MAPK8: variants seen among roughly 807,000 people sequenced by gnomAD.
MAPK8 encodes the protein JUN N-terminal kinase.
A neutral mutation model predicts 52.9 loss-of-function variants in MAPK8; 13 were observed. The ratio of observed to expected loss-of-function variants is 0.25; its 90% CI spans 0.16 to 0.39. The LOEUF (loss-of-function observed/expected upper bound fraction) is 0.39. Among genes scored for constraint, MAPK8 ranks in the 10% least tolerant of loss-of-function variants. The pLI, the probability that MAPK8 is intolerant of heterozygous loss-of-function variation, is 1.00. For synonymous variants in MAPK8, 191 were observed against 169.8 expected (o/e 1.12, Z -0.97); for missense variants, 300 against 519.2 (o/e 0.58, Z 4.10).
Position 48,435,025 on chromosome 10 carries a change from G to C in MAPK8, c.1280G>C (p.Arg427Thr). Residue 427 changes from arginine to threonine, a missense_variant, in exon 12 of 12, where the codon AGA becomes ACA. Physicochemically the swap from Arg to Thr is moderately conservative, Grantham distance 71. This residue lies in a region of MAPK8 where 119 missense variants were observed against 154.4 expected (regional missense o/e 0.77). Coordinates refer to ENST00000374189, the MANE Select transcript of MAPK8 (RefSeq NM_001323329.2). ...GCAGCTGGGCCTCTGGGCTGCTGTAGATGACTACTTGGGCCATCGGGGGGT... is the reference window on the plus strand; with the variant it reads ...GCAGCTGGGCCTCTGGGCTGCTGTACATGACTACTTGGGCCATCGGGGGGT... ...EAAAGPLGCCR is the reference protein window; with the variant it reads ...EAAAGPLGCCT 1.0e-6 allele frequency: 1 copy of C among 979,290 alleles called. No homozygotes were observed. The highest frequency in any genetic ancestry group is 1.5e-6 in the Non-Finnish European group (1 of 684,778). The allele number at this position is 979,290 out of a possible 1,614,324, so 60.7% of individuals were successfully genotyped here. A position where few individuals can be genotyped will look rare whatever the true frequency, so the allele number is the denominator to read the frequency against.
chr10:48,314,206 G>A (rs547953482), intron 1 of MAPK8, among the ~76,000 whole-genome samples: 2 of 152,154 alleles, frequency 1.3e-5, no homozygotes, highest in African/African-American at 4.8e-5. Flanking sequence ...CCTTTTCCTG[G>A]CTTTATAGGT....
At chr10:48,393,012 A>T (rs2041707341) in intron 1 of MAPK8, among the ~76,000 whole-genome samples, 2 of 152,022 alleles carry the variant, frequency 1.3e-5, no homozygotes, top group Admixed American at 6.6e-5. Context: ...TGGCTTCTTC[A>T]GTATGTTCTT....
At chr10:48,401,307 T>G (rs2042147049) in intron 1 of MAPK8, among the ~76,000 whole-genome samples, 1 of 152,202 alleles carries the variant, frequency 6.6e-6, no homozygotes, top group African/African-American at 2.4e-5. Context: ...TAAAAACATG[T>G]TTAATTTTAA....
chr10:48,376,695 C>A (rs1489757713), intron 1 of MAPK8, among the ~76,000 whole-genome samples: 1 of 152,168 alleles, frequency 6.6e-6, no homozygotes, highest in African/African-American at 2.4e-5. Flanking sequence ...CATCTCACTC[C>A]AGTTAGAATG....
chr10:48,361,832 A>G (rs549460295), intron 1 of MAPK8, among the ~76,000 whole-genome samples: 2 of 152,318 alleles, frequency 1.3e-5, no homozygotes, highest in Non-Finnish European at 2.9e-5. Context: ...ATGAGAATTT[A>G]TATGACACAG....
chr10:48,339,179 C>T (rs149469871), intron 1 of MAPK8, among the ~76,000 whole-genome samples: 7 of 152,278 alleles, frequency 4.6e-5, no homozygotes, highest in African/African-American at 1.7e-4. Flanking sequence ...TACCCAACTT[C>T]AGACTATACT....
At chr10:48,378,093 C>T (rs1024742833) in intron 1 of MAPK8, among the ~76,000 whole-genome samples, 1 of 152,170 alleles carries the variant, frequency 6.6e-6, no homozygotes, top group African/African-American at 2.4e-5. Flanking sequence ...CTTCCCCCCT[C>T]CCTCCGCAAC....
intron 1 of MAPK8, among the ~76,000 whole-genome samples, chr10:48,374,976 G>A (rs1418246362): frequency 2.0e-5 from 3 of 152,178 alleles, no homozygotes; most frequent in Admixed American, 1.3e-4. Flanking sequence ...GAACATTGAT[G>A]TGAAAATCCT....
chr10:48,365,616 T>A (rs561076007), intron 1 of MAPK8, among the ~76,000 whole-genome samples: 192 of 152,156 alleles, frequency 1.3e-3, no homozygotes, highest in Non-Finnish European at 2.4e-3. Flanking sequence ...AAAATAACGA[T>A]AAACTAAAGA....
chr10:48,405,446 C>G (rs902618190), intron 3 of MAPK8, among the ~76,000 whole-genome samples: 4 of 152,114 alleles, frequency 2.6e-5, no homozygotes, highest in African/African-American at 9.7e-5. Flanking sequence ...TGGCAGTATT[C>G]ACTGATCACT....
At position 48,400,205 on chromosome 10, in the gene MAPK8, A is replaced by G. The variant is rs2042090634; in HGVS notation, c.-49-1407A>G. Among the ~76,000 whole-genome samples, 3 of 152,240 alleles carry G rather than the reference A, an allele frequency of 2.0e-5. No homozygotes were observed. The South Asian group carries it at 6.2e-4, about 32-fold the overall frequency. Reference sequence around the variant, plus strand: ...TGGGCTGTCCACTTAAGAAGAATTTATGAGTCTTGTCATTTCAGACAGTCT... The same window carrying G: ...TGGGCTGTCCACTTAAGAAGAATTTGTGAGTCTTGTCATTTCAGACAGTCT... On this transcript the variant is annotated intron_variant, in intron 1 of 11. Coordinates refer to ENST00000374189, the MANE Select transcript of MAPK8 (RefSeq NM_001323329.2).
At chr10:48,317,060 A>G (rs1490657782) in intron 1 of MAPK8, among the ~76,000 whole-genome samples, 1 of 152,198 alleles carries the variant, frequency 6.6e-6, no homozygotes, top group Non-Finnish European at 1.5e-5. Context: ...CTCCCATTTT[A>G]TACATGAGGA....
intron 1 of MAPK8, among the ~76,000 whole-genome samples, chr10:48,346,269 C>A (rs1336886824): frequency 6.6e-6 from 1 of 152,194 alleles, no homozygotes; most frequent in African/African-American, 2.4e-5. Flanking sequence ...TAGTTTGTAG[C>A]AATTACTTTT....
rs576890983 is a variant in MAPK8 at position 48,345,208 on chromosome 10, C to T, written c.-50+38387C>T. Among the ~76,000 whole-genome samples the T allele has an allele frequency of 8.9e-4, 135 of 152,144 alleles. 1 individual carries two copies. Among genetic ancestry groups the T allele is most frequent in the Non-Finnish European group, 8.8e-4 (60 of 68,032 alleles). ...AAGACCATAGGAGATACTAAGAGAT[C>T]TAGATAAACTTGGCAGGAACTTCCG... On this transcript the variant is annotated intron_variant, in intron 1 of 11. Transcript: ENST00000374189.
In MAPK8 at chr10:48,401,715, A is replaced by G. The variant is rs765388602; in HGVS notation, c.55A>G (p.Thr19Ala). The change falls in exon 2 of 12, where the codon ACA becomes GCA. Residue 19 changes from threonine (T) to alanine (A), a missense_variant. By Grantham distance (58) the Thr-to-Ala change is moderately conservative. This residue lies in a region of MAPK8 where 34 missense variants were observed against 36.7 expected (regional missense o/e 0.93). Coordinates refer to ENST00000374189, the MANE Select transcript of MAPK8 (RefSeq NM_001323329.2). ...TTATAGTGTAGAGATTGGAGATTCT[A>G]CATTCACAGTCCTGAAACGATATCA... Reference protein sequence around the residue: ...NFYSVEIGDSTFTVLKRYQNL... With the variant: ...NFYSVEIGDSAFTVLKRYQNL... 1.9e-6 allele frequency: 3 copies of G among 1,602,942 alleles called. No individual in the cohort carries two copies. Among genetic ancestry groups the G allele is most frequent in the East Asian group, 2.3e-5 (1 of 43,900 alleles).
At chr10:48,337,770 A>G (rs1031461154) in intron 1 of MAPK8, among the ~76,000 whole-genome samples, 1 of 152,174 alleles carries the variant, frequency 6.6e-6, no homozygotes, top group Admixed American at 6.5e-5. Flanking sequence ...AGATGTCATT[A>G]CAGTGGATAC....
rs966989819 is a variant in MAPK8, at chr10:48,439,158, G to C, written c.*4129G>C. 2.6e-5 allele frequency: 4 copies of C among 151,490 alleles called. No individual in the cohort carries two copies. The highest frequency in any genetic ancestry group is 9.7e-5 in the African/African-American group (4 of 41,150). 9.4% of individuals were successfully genotyped at this position (151,490 alleles called of 1,614,324 possible). A position where few individuals can be genotyped will look rare whatever the true frequency, so the allele number is the denominator to read the frequency against. On this transcript the variant is annotated 3_prime_UTR_variant, in exon 12 of 12. Transcript: ENST00000374189. The stretch of plus-strand genomic sequence containing the variant: ...TCCTCCTCCATTCCTCTCCTTCCCT[G>C]TGTTCCGTTCCCTCTCCTTTCCTCT...
chr10:48,395,509 A>T (rs2041842301), intron 1 of MAPK8, among the ~76,000 whole-genome samples: 1 of 152,090 alleles, frequency 6.6e-6, no homozygotes, highest in Admixed American at 6.5e-5. Context: ...AGACATACAG[A>T]ACCAAACTGT....
At chr10:48,368,933 G>C (rs1001775037) in intron 1 of MAPK8, among the ~76,000 whole-genome samples, 18 of 152,120 alleles carry the variant, frequency 1.2e-4, no homozygotes, top group African/African-American at 4.3e-4. Flanking sequence ...TAACTTAACA[G>C]CCTCTGAATT....
Sources: gnomAD v4.1 joint callset for allele counts (sites outside exome capture counted in the v4.1 genomes callset) on GRCh38, gnomAD v4.1.1 for gene constraint, gnomAD v4.1.1 regional missense constraint, MANE v1.5 for transcripts, NCBI Gene and HGNC (gene_info 2026-07-23, HGNC 2026-07-21) for gene names.